Variants in RIMS2 observed in about 807,000 individuals in gnomAD.
RIMS2 encodes the protein regulating synaptic membrane exocytosis protein 2.
Under a neutral mutation model 174.4 loss-of-function variants are expected in RIMS2, and 59 were observed. That is an observed-to-expected ratio of 0.34 (90% CI 0.27 to 0.42). The LOEUF is 0.42. RIMS2 is among the 10% of genes least tolerant of loss of function. RIMS2 has a pLI of 1.00. For synonymous variants in RIMS2, 606 were observed against 572.5 expected, an observed-to-expected ratio of 1.06 and a Z score of -0.84; for missense variants, 1,620 against 1,666.3, an observed-to-expected ratio of 0.97 and a Z score of 0.48.
chr8:103,888,241 C>A (rs1432297925), intron 4 of RIMS2, among the ~76,000 whole-genome samples: 2 of 151,362 alleles, frequency 1.3e-5, no homozygotes, highest in Non-Finnish European at 3.0e-5. Flanking sequence ...TGGGGAAATG[C>A]ATATGAAGTT....
chr8:103,886,667 T>A (rs774223507), intron 4 of RIMS2, among the ~76,000 whole-genome samples: 1 of 151,852 alleles, frequency 6.6e-6, no homozygotes, highest in African/African-American at 2.4e-5. Context: ...TAACCTTTTA[T>A]TGTATTTTCT....
intron 19 of RIMS2, among the ~76,000 whole-genome samples, chr8:104,031,991 T>A (rs1241312398): frequency 6.6e-6 from 1 of 152,080 alleles, no homozygotes; most frequent in Non-Finnish European, 1.5e-5. Flanking sequence ...ATTATTTTAT[T>A]ATTATGAAGA....
intron 19 of RIMS2, among the ~76,000 whole-genome samples, chr8:104,198,489 G>A (rs532309021): frequency 1.3e-5 from 2 of 152,306 alleles, no homozygotes; most frequent in South Asian, 4.1e-4. Context: ...ATTATTTCTA[G>A]GAGGCTGTGG....
At chr8:103,606,526 G>T (rs1275204163) in intron 1 of RIMS2, among the ~76,000 whole-genome samples, 2 of 152,158 alleles carry the variant, frequency 1.3e-5, no homozygotes, top group Non-Finnish European at 2.9e-5. Context: ...TCTGCTTGGT[G>T]CAGAGCTGGG....
At chr8:103,637,799 G>A (rs927565948) in intron 1 of RIMS2, among the ~76,000 whole-genome samples, 1 of 150,944 alleles carries the variant, frequency 6.6e-6, no homozygotes, top group African/African-American at 2.5e-5. Flanking sequence ...TTCTTTTCCA[G>A]GATTCAATCT....
chr8:104,168,210 G>A (rs1446724329), intron 19 of RIMS2, among the ~76,000 whole-genome samples: 5 of 152,046 alleles, frequency 3.3e-5, no homozygotes, highest in Non-Finnish European at 5.9e-5. Context: ...GAATGATGAT[G>A]TTATTTTGAT....
At chr8:103,696,724 G>A (rs563506896) in intron 1 of RIMS2, among the ~76,000 whole-genome samples, 2 of 151,860 alleles carry the variant, frequency 1.3e-5, no homozygotes, top group South Asian at 2.1e-4. Flanking sequence ...ATTAGCTGGC[G>A]TGGTGGTGTG....
intron 15 of RIMS2, among the ~76,000 whole-genome samples, chr8:103,969,487 C>T (rs1373659192): frequency 1.3e-5 from 2 of 152,032 alleles, no homozygotes. Context: ...ACTAATAAGC[C>T]CATCAAAGGC....
chr8:104,196,964 AAAC>A (rs1384384876), intron 19 of RIMS2, among the ~76,000 whole-genome samples: 1 of 152,204 alleles, frequency 6.6e-6, no homozygotes, highest in African/African-American at 2.4e-5. Context: ...ATGAGATATT[AAAC>A]AAAGCTAGTC....
At chr8:104,100,948 A>C (rs541886393) in intron 19 of RIMS2, among the ~76,000 whole-genome samples, 2 of 105,734 alleles carry the variant, frequency 1.9e-5, no homozygotes, top group East Asian at 6.9e-4. Flanking sequence ...TATATTATAT[A>C]GTATATATGA....
In RIMS2 at chr8:103,552,837, A is replaced by C. The variant is rs192483209; in HGVS notation, c.176+51775A>C. Among the ~76,000 whole-genome samples the C allele has an allele frequency of 2.0e-3, 303 of 152,386 alleles. 2 individuals carry two copies. The highest frequency in any genetic ancestry group is 6.8e-3 in the African/African-American group (281 of 41,592). On this transcript the variant is annotated intron_variant, in intron 1 of 23. Transcript: ENST00000504942. ...AGACATTTATGCAGCCAAAACACAC[A>C]TGAAAAAATGCTCATCATTACTGGC...
intron 1 of RIMS2, among the ~76,000 whole-genome samples, chr8:103,686,221 T>G (rs796726502): frequency 2.8e-4 from 43 of 152,110 alleles, no homozygotes; most frequent in African/African-American, 5.1e-4. Context: ...TTACAAGAGG[T>G]TTTTTCTTTC....
At chr8:103,818,729 A>C (rs1000209323) in intron 3 of RIMS2, among the ~76,000 whole-genome samples, 3 of 152,164 alleles carry the variant, frequency 2.0e-5, no homozygotes, top group Non-Finnish European at 4.4e-5. Flanking sequence ...GCCTTTAGAA[A>C]GGACCAGATT....
chr8:103,791,273 T>G (rs938513871), intron 3 of RIMS2, among the ~76,000 whole-genome samples: 6 of 152,162 alleles, frequency 3.9e-5, no homozygotes, highest in Admixed American at 3.9e-4. Context: ...TATTCAACAT[T>G]CTTAAAGAAA....
chr8:103,562,962 G>T (rs1438804220), intron 1 of RIMS2, among the ~76,000 whole-genome samples: 1 of 152,150 alleles, frequency 6.6e-6, no homozygotes, highest in African/African-American at 2.4e-5. Flanking sequence ...GCCCCTTTTA[G>T]TCAAGGCTGG....
chr8:103,701,603 A>T lies in RIMS2; in HGVS notation c.387+4307A>T, dbSNP rs1319231590. On this transcript the variant is annotated intron_variant, in intron 2 of 23. Transcript: ENST00000504942. ...CTTCCTCCTACCCTTCCCAGCCTCC[A>T]GTAATTACCATTCTATTTACTACCT... Among the ~76,000 whole-genome samples the T allele has an allele frequency of 2.0e-5, 3 of 151,996 alleles. No individual in the cohort carries two copies. In the East Asian group the frequency reaches 5.8e-4, roughly 29 times the overall value.
At chr8:103,523,707 T>C (rs1832757709) in intron 1 of RIMS2, among the ~76,000 whole-genome samples, 2 of 152,112 alleles carry the variant, frequency 1.3e-5, no homozygotes, top group African/African-American at 4.8e-5. Flanking sequence ...TGAACAAACA[T>C]GAAGTTTGGT....
At chr8:104,228,401 T>C (rs1015562807) in intron 19 of RIMS2, among the ~76,000 whole-genome samples, 3 of 152,198 alleles carry the variant, frequency 2.0e-5, no homozygotes, top group Non-Finnish European at 2.9e-5. Flanking sequence ...CTAGTCTTTG[T>C]GTATAGTAAA....
intron 19 of RIMS2, among the ~76,000 whole-genome samples, chr8:104,242,941 G>A (rs2099309971): frequency 6.6e-6 from 1 of 152,122 alleles, no homozygotes; most frequent in African/African-American, 2.4e-5. Context: ...TGGCTCATAT[G>A]AGTATCCTTT....
Sources: gnomAD v4.1 joint callset for allele counts (sites outside exome capture counted in the v4.1 genomes callset) on GRCh38, gnomAD v4.1.1 for gene constraint, MANE v1.5 for transcripts, NCBI Gene and HGNC (gene_info 2026-07-23, HGNC 2026-07-21) for gene names.